The following COL6A5 variants were observed in gnomAD, a reference collection of about 807,000 sequenced individuals.
COL6A5 encodes the protein collagen alpha-5(VI) chain.
COL6A5 carries 48 observed loss-of-function variants against 65.6 expected under a neutral mutation model. The ratio of observed to expected loss-of-function variants is 0.73; its 90% CI spans 0.58 to 0.93. The LOEUF (loss-of-function observed/expected upper bound fraction) is 0.93, where lower values mean the gene tolerates loss of function less well. Ranked by LOEUF, COL6A5 falls within the 40% of genes least tolerant of loss-of-function variation. The pLI is 0.00. For missense variants in COL6A5, 914 were observed against 928.3 expected (o/e 0.98, Z 0.20); for synonymous variants, 291 against 322.8 (o/e 0.90, Z 1.05).
chr3:130,364,050 A>C (rs1365217303), intron 1 of COL6A5, among the ~76,000 whole-genome samples: 2 of 152,176 alleles, frequency 1.3e-5, no homozygotes, highest in Non-Finnish European at 2.9e-5. Flanking sequence ...CCACACAGCA[A>C]ACTAGAAACC....
At chr3:130,455,577 A>G (rs1577528172) in exon 5 of COL6A5, 1 of 1,612,806 alleles carries the variant, frequency 6.2e-7, no homozygotes. Flanking sequence ...TATTTGGTTT[A>G]CCTTCCAAGC....
chr3:130,364,015 G>A (rs1437076555), intron 1 of COL6A5, among the ~76,000 whole-genome samples: 1 of 152,124 alleles, frequency 6.6e-6, no homozygotes, highest in East Asian at 1.9e-4. Flanking sequence ...TTTTTAGGAT[G>A]GAGTGACAAC....
chr3:130,411,856 C>T (rs956653479), intron 20 of COL6A5, among the ~76,000 whole-genome samples: 7 of 152,128 alleles, frequency 4.6e-5, no homozygotes, highest in Admixed American at 1.3e-4. Flanking sequence ...CTGCTGACCT[C>T]CTCCTTTGTA....
chr3:130,385,431 G>A lies in COL6A5; in HGVS notation c.1861+67G>A, dbSNP rs1048776941. On this transcript the variant is annotated intron_variant and NMD_transcript_variant, in intron 5 of 41. Coordinates refer to the COL6A5 transcript ENST00000312481. ...ATTGCTTTAGGCAGATTAATGGCCA[G>A]GCTGAGACAAGGCCTGATGTGACCA... The A allele has an allele frequency of 2.8e-6, 4 of 1,449,556 alleles. No homozygotes were observed. The African/African-American group carries it at 5.7e-5, about 21-fold the overall frequency. 89.8% of individuals were successfully genotyped at this position (1,449,556 alleles called of 1,614,324 possible). A position where few individuals can be genotyped will look rare whatever the true frequency, so the allele number is the denominator to read the frequency against.
At chr3:130,468,674 C>A in intron 5 of COL6A5, 121 bp from the exon 38 acceptor site, 1 of 679,714 alleles carries the variant, frequency 1.5e-6, no homozygotes, top group Non-Finnish European at 2.5e-6. Flanking sequence ...TTATTGATGT[C>A]TGCCATGAGT....
intron 1 of COL6A5, among the ~76,000 whole-genome samples, chr3:130,433,055 A>G (rs1342215744): frequency 6.6e-6 from 1 of 152,182 alleles, no homozygotes; most frequent in African/African-American, 2.4e-5. Flanking sequence ...TCTACCATAT[A>G]AAGAGAAAGA....
intron 5 of COL6A5, among the ~76,000 whole-genome samples, chr3:130,465,153 T>A (rs932403249): frequency 3.3e-5 from 5 of 152,002 alleles, no homozygotes; most frequent in Non-Finnish European, 7.4e-5. Flanking sequence ...TTTCAGGACA[T>A]GGTACAAGAA....
At chr3:130,437,979 G>T (rs146931212) in intron 1 of COL6A5, among the ~76,000 whole-genome samples, 87 of 151,560 alleles carry the variant, frequency 5.7e-4, no homozygotes, top group Non-Finnish European at 7.5e-4. Context: ...AGATAGAGGG[G>T]TTTTTTTTGT....
At chr3:130,436,010 T>C (rs71333666) in intron 1 of COL6A5, among the ~76,000 whole-genome samples, 8,711 of 152,094 alleles carry the variant, frequency 0.057, 371 homozygotes, top group Middle Eastern at 0.11. Flanking sequence ...TACCGTTTTC[T>C]CCTGGATCCA....
chr3:130,426,364 C>T lies in COL6A5; in HGVS notation c.5200-3C>T, dbSNP rs777277349. On this transcript the variant is annotated splice_polypyrimidine_tract_variant and splice_region_variant and intron_variant and NMD_transcript_variant, in intron 30 of 41. Transcript: ENST00000312481. ...TTTCTCTCTCCTTTTTCAACATTTA[C>T]AGCAATGTGATCTGATCCGGTTTTT... 3 of 1,551,316 alleles carry T rather than the reference C, an allele frequency of 1.9e-6. No homozygotes were observed. Among genetic ancestry groups the T allele is most frequent in the Non-Finnish European group, 2.6e-6 (3 of 1,146,722 alleles).
In COL6A5 at chr3:130,469,488, C is replaced by CA. The variant is rs1709897229; in HGVS notation, c.2231+8dup. On this transcript the variant is annotated splice_region_variant and intron_variant, in intron 6 of 7. Transcript: ENST00000512836. Reference sequence around the variant, plus strand: ...TTTGTCCATTTAATCAGACGTAAGTCATTAATTCTCTTTGATTGCTTTTGC... The same window carrying CA: ...TTTGTCCATTTAATCAGACGTAAGTCAATTAATTCTCTTTGATTGCTTTTGC... The CA allele has an allele frequency of 6.3e-7, 1 of 1,595,700 alleles. No homozygotes were observed.
intron 4 of COL6A5, 25 bp from the exon 37 acceptor site, chr3:130,455,430 C>A (rs752344061): frequency 6.9e-7 from 1 of 1,456,258 alleles, no homozygotes; most frequent in Non-Finnish European, 9.6e-7. Flanking sequence ...TATCTAGACT[C>A]ACCTAAAGTT....
rs370254355 is a variant in COL6A5, at chr3:130,457,185, G to C, written c.1544+1519G>C. ...CATGCAAATTAGAGTAGCCTTCAAG[G>C]CACAATAATTTATTATGGTTTGGTT... On this transcript the variant is annotated intron_variant, in intron 5 of 7. Transcript: ENST00000512836. Among the ~76,000 whole-genome samples, 6 of 152,132 alleles carry C rather than the reference G, an allele frequency of 3.9e-5. No individual in the cohort carries two copies. In the East Asian group the frequency reaches 9.7e-4, roughly 25 times the overall value.
chr3:130,391,035 C>A, intron 6 of COL6A5, 144 bp from the exon 7 acceptor site: 1 of 654,312 alleles, frequency 1.5e-6, no homozygotes, highest in Non-Finnish European at 2.7e-6. Flanking sequence ...TGTAAAATGG[C>A]AGCAGCCACC....
chr3:130,373,789 A>G lies in COL6A5; in HGVS notation c.67+84A>G, dbSNP rs909427865. 1.6e-5 allele frequency: 14 copies of G among 870,184 alleles called. No individual in the cohort carries two copies. The African/African-American group carries it at 2.4e-4, about 15-fold the overall frequency. The allele number at this position is 870,184 out of a possible 1,614,324, so 53.9% of individuals were successfully genotyped here. ...TTTAATAAACAGCAAGAAATAATTTATTTACTAAAAATCAAAGTATGCAGC... is the reference window on the plus strand; with the variant it reads ...TTTAATAAACAGCAAGAAATAATTTGTTTACTAAAAATCAAAGTATGCAGC... On this transcript the variant is annotated intron_variant and NMD_transcript_variant, in intron 2 of 41. Coordinates refer to the COL6A5 transcript ENST00000312481.
At chr3:130,391,717 A>C in exon 7 of COL6A5, 1 of 1,551,406 alleles carries the variant, frequency 6.4e-7, no homozygotes, top group Non-Finnish European at 8.7e-7. Flanking sequence ...ATGTTTTCAC[A>C]CTTGTTCAAG....
chr3:130,391,249 T>C, exon 7 of COL6A5: 1 of 1,551,586 alleles, frequency 6.4e-7, no homozygotes, highest in Non-Finnish European at 8.7e-7. Context: ...AAAAACAATA[T>C]CAAGATCACA....
exon 17 of COL6A5, chr3:130,406,307 G>T (rs778423498): frequency 1.3e-6 from 2 of 1,549,650 alleles, no homozygotes; most frequent in African/African-American, 1.4e-5. Flanking sequence ...AGAAAAAGGT[G>T]ATCCAGGATC....
chr3:130,346,235 T>C (rs1440387965), intron 1 of COL6A5, among the ~76,000 whole-genome samples: 2 of 152,198 alleles, frequency 1.3e-5, no homozygotes, highest in African/African-American at 2.4e-5. Context: ...CCTTGAAACT[T>C]GTTAGAAATG....
Sources: allele counts gnomAD v4.1 joint callset (sites outside exome capture counted in the v4.1 genomes callset), GRCh38; gene constraint gnomAD v4.1.1; transcripts MANE v1.5; gene names NCBI Gene and HGNC (gene_info 2026-07-23, HGNC 2026-07-21).